NSFL1C: variants seen among roughly 807,000 people sequenced by gnomAD.
NSFL1C encodes NSFL1 cofactor, also known as NSFL1 cofactor p47.
Under a neutral mutation model 43.1 loss-of-function variants are expected in NSFL1C, and 14 were observed. The ratio of observed to expected loss-of-function variants is 0.32; its 90% confidence interval spans 0.21 to 0.51. The LOEUF is 0.51. Ranked by LOEUF, NSFL1C falls within the 20% of genes least tolerant of loss-of-function variation. NSFL1C has a pLI of 0.98. For synonymous variants in NSFL1C, 171 were observed against 183.5 expected, an observed-to-expected ratio of 0.93 and a Z score of 0.55; for missense variants, 406 against 472.5, an observed-to-expected ratio of 0.86 and a Z score of 1.30.
chr20:1,448,392 G>A (rs1303206772), intron 7 of NSFL1C, among the ~76,000 whole-genome samples: 3 of 152,222 alleles, frequency 2.0e-5, no homozygotes, highest in African/African-American at 7.2e-5. Context: ...GTTCTGTTGT[G>A]AGGATGAGAC....
chr20:1,445,626 G>A (rs2090041262), intron 8 of NSFL1C, 40 bp downstream of exon 8: 1 of 1,604,900 alleles, frequency 6.2e-7, no homozygotes, highest in African/African-American at 1.3e-5. Flanking sequence ...AGGCCCAGAG[G>A]ACACTCCTAG....
chr20:1,464,469 T>C (rs1209627931), intron 1 of NSFL1C, 43 bp from the exon 2 acceptor site: 2 of 1,487,146 alleles, frequency 1.3e-6, no homozygotes, highest in South Asian at 2.3e-5. Flanking sequence ...AAACAGGCCT[T>C]CACCTAACGC....
At chr20:1,446,389 C>T (rs1011954295) in intron 7 of NSFL1C, among the ~76,000 whole-genome samples, 1 of 152,104 alleles carries the variant, frequency 6.6e-6, no homozygotes, top group Non-Finnish European at 1.5e-5. Flanking sequence ...ACTCATACAT[C>T]CACTATTGAG....
At chr20:1,454,835 G>A (rs188422966) in intron 4 of NSFL1C, 132 bp downstream of exon 4, 6 of 942,616 alleles carry the variant, frequency 6.4e-6, no homozygotes, top group Admixed American at 2.3e-5. Context: ...AACTACACTC[G>A]TGTTCCGCAC....
intron 2 of NSFL1C, among the ~76,000 whole-genome samples, chr20:1,463,037 C>T (rs1374352319): frequency 1.3e-5 from 2 of 152,108 alleles, no homozygotes; most frequent in East Asian, 1.9e-4. Flanking sequence ...GGAACTGAAA[C>T]GTTAAGTAAC....
intron 7 of NSFL1C, 95 bp from the exon 8 acceptor site, chr20:1,445,925 C>G: frequency 1.5e-6 from 2 of 1,331,134 alleles, no homozygotes; most frequent in Non-Finnish European, 1.0e-6. Context: ...ATTTGCAATG[C>G]GCCTGGCATT....
intron 2 of NSFL1C, among the ~76,000 whole-genome samples, chr20:1,462,460 T>C (rs1232246155): frequency 2.0e-5 from 3 of 152,044 alleles, no homozygotes; most frequent in Middle Eastern, 3.2e-3. Context: ...CAAATGTGCG[T>C]CCAGTCTTTT....
In NSFL1C at chr20:1,453,656, T is replaced by C. The variant is rs190613057; in HGVS notation, c.538-516A>G. 2.2e-3 allele frequency among the ~76,000 whole-genome samples: 333 copies of C among 152,304 alleles called. 1 individual carries two copies. Among genetic ancestry groups the C allele is most frequent in the African/African-American group, 7.2e-3 (300 of 41,550 alleles). On this transcript the variant is annotated intron_variant, in intron 5 of 8. Transcript: ENST00000216879. The stretch of plus-strand genomic sequence containing the variant: ...TTTATTTTCTTCTTGCTTGACTTTA[T>C]TTTGGAATAAAACCCAAAATGATTT...
At chr20:1,455,765 G>T (rs775355645) in intron 3 of NSFL1C, 1 of 778,924 alleles carries the variant, frequency 1.3e-6, no homozygotes, top group South Asian at 1.3e-5. Flanking sequence ...GTATGCAAAA[G>T]AACAAGCACA....
rs1568634563 is a variant in NSFL1C at position 1,466,801 on chromosome 20, C to A, written c.24G>T (p.Ala8=). The change falls in exon 1 of 9, where the codon GCG becomes GCT. Residue 8 remains alanine (A), a synonymous_variant. Transcript: ENST00000216879. The part of the protein sequence containing the change: MAAERQE[A]LREFVAVTGA... ...CCGTCACCGCCACGAACTCCCTCAG[C>A]GCCTCCTGTCGCTCCGCCGCCATCT... is the stretch of plus-strand genomic sequence containing the variant. 3.2e-6 allele frequency: 5 copies of A among 1,551,146 alleles called. No homozygotes were observed. Among genetic ancestry groups the A allele is most frequent in the South Asian group, 1.2e-5 (1 of 84,330 alleles).
chr20:1,447,021 T>C (rs930811184), intron 7 of NSFL1C, among the ~76,000 whole-genome samples: 1 of 152,204 alleles, frequency 6.6e-6, no homozygotes, highest in Admixed American at 6.5e-5. Context: ...TTTTGAGAGA[T>C]TGCACAGTTA....
At chr20:1,445,604 C>A in intron 8 of NSFL1C, 62 bp downstream of exon 8, 1 of 1,567,330 alleles carries the variant, frequency 6.4e-7, no homozygotes, top group Non-Finnish European at 8.7e-7. Context: ...CTGCTTCCCA[C>A]ACATTTGCGT....
chr20:1,452,007 G>C (rs564399375), intron 7 of NSFL1C, among the ~76,000 whole-genome samples: 1 of 152,322 alleles, frequency 6.6e-6, no homozygotes, highest in South Asian at 2.1e-4. Flanking sequence ...GCAACACACT[G>C]TGAGGCCTGG....
Position 1,455,579 on chromosome 20 carries a change from T to C in NSFL1C, c.279-447A>G. 5.3e-6 allele frequency: 4 copies of C among 750,628 alleles called. No individual in the cohort carries two copies. The South Asian group carries it at 5.6e-5, about 11-fold the overall frequency. The allele number at this position is 750,628 out of a possible 1,614,324, so 46.5% of individuals were successfully genotyped here. ...AGTGACTTGGGGTTAATGGTGGCAC[T>C]GGCATGGTTAGTACAAGCAGCTAGG... On this transcript the variant is annotated intron_variant, in intron 3 of 8. Coordinates refer to ENST00000216879, the MANE Select transcript of NSFL1C (RefSeq NM_016143.5).
Position 1,462,276 on chromosome 20 carries a change from C to G in NSFL1C, c.203+2053G>C, listed in dbSNP as rs9679836. Among the ~76,000 whole-genome samples the G allele has an allele frequency of 1.9e-3, 290 of 152,282 alleles. 1 individual carries two copies. The highest frequency in any genetic ancestry group is 6.7e-3 in the African/African-American group (277 of 41,560). On this transcript the variant is annotated intron_variant, in intron 2 of 8. Transcript: ENST00000216879. Reference sequence around the variant, plus strand: ...ACAGAATTCCTCTGAGGTGCTAGCACAAGTTTGGTTTTTCCTGAGAATGTA... The same window carrying G: ...ACAGAATTCCTCTGAGGTGCTAGCAGAAGTTTGGTTTTTCCTGAGAATGTA...
Position 1,442,509 on chromosome 20 carries a change from C to T in NSFL1C, c.*1240G>A, listed in dbSNP as rs1213754165. ...CATTACGATTCCAAACCAGGAGATC[C>T]TGAGTCAGCACTGATTCTGTCTCTG... is the stretch of plus-strand genomic sequence containing the variant. On this transcript the variant is annotated 3_prime_UTR_variant, in exon 9 of 9. Coordinates refer to ENST00000216879, the MANE Select transcript of NSFL1C (RefSeq NM_016143.5). The T allele has an allele frequency of 3.3e-5, 5 of 152,318 alleles. No individual in the cohort carries two copies. Among genetic ancestry groups the T allele is most frequent in the African/African-American group, 9.6e-5 (4 of 41,550 alleles). 9.4% of individuals were successfully genotyped at this position (152,318 alleles called of 1,614,324 possible). A position where few individuals can be genotyped will look rare whatever the true frequency, so the allele number is the denominator to read the frequency against.
Position 1,466,798 on chromosome 20 carries a change from C to T in NSFL1C, c.27G>A (p.Leu9=). MAAERQEA[L]REFVAVTGAE... ...CGCCCGTCACCGCCACGAACTCCCT[C>T]AGCGCCTCCTGTCGCTCCGCCGCCA... Residue 9 remains leucine, a synonymous_variant, in exon 1 of 9, where the codon CTG becomes CTA. Coordinates refer to ENST00000216879, the MANE Select transcript of NSFL1C (RefSeq NM_016143.5). 1 of 1,556,406 alleles carries T rather than the reference C, an allele frequency of 6.4e-7. No homozygotes were observed. Among genetic ancestry groups the T allele is most frequent in the Non-Finnish European group, 8.7e-7 (1 of 1,154,000 alleles).
intron 6 of NSFL1C, 57 bp from the exon 7 acceptor site, chr20:1,452,687 T>C (rs1365276363): frequency 6.2e-7 from 1 of 1,603,786 alleles, no homozygotes. Context: ...ATGACAGTGA[T>C]GGGAAAAGGG....
Position 1,466,802 on chromosome 20 carries a change from G to T in NSFL1C, c.23C>A (p.Ala8Glu). The change falls in exon 1 of 9, where the codon GCG becomes GAG. Residue 8 changes from alanine to glutamate, a missense_variant. Physicochemically the swap from Ala to Glu is moderately radical, Grantham distance 107. Around this residue, in one of 3 missense-constraint regions of NSFL1C, gnomAD observed 203 missense variants for 216.3 expected, o/e 0.94. Coordinates refer to ENST00000216879, the MANE Select transcript of NSFL1C (RefSeq NM_016143.5). MAAERQE[A>E]LREFVAVTGA... ...CGTCACCGCCACGAACTCCCTCAGCGCCTCCTGTCGCTCCGCCGCCATCTT... is the reference window on the plus strand; with the variant it reads ...CGTCACCGCCACGAACTCCCTCAGCTCCTCCTGTCGCTCCGCCGCCATCTT... 6.4e-7 allele frequency: 1 copy of T among 1,551,034 alleles called. No individual in the cohort carries two copies. Among genetic ancestry groups the T allele is most frequent in the Non-Finnish European group, 8.7e-7 (1 of 1,151,256 alleles).
Sources: allele counts gnomAD v4.1 joint callset (sites outside exome capture counted in the v4.1 genomes callset), GRCh38; gene constraint gnomAD v4.1.1; regional missense constraint gnomAD v4.1.1; transcripts MANE v1.5; gene names NCBI Gene and HGNC (gene_info 2026-07-23, HGNC 2026-07-21).